BDP1: variants seen among roughly 807,000 people sequenced by gnomAD.
BDP1 encodes the protein transcription factor TFIIIB component B'' homolog.
Under a neutral mutation model 266.6 loss-of-function variants are expected in BDP1, and 169 were observed. The ratio of observed to expected loss-of-function variants is 0.63; its 90% CI spans 0.56 to 0.72. The LOEUF (loss-of-function observed/expected upper bound fraction) is 0.72. Ranked by LOEUF, BDP1 falls within the 30% of genes least tolerant of loss-of-function variation. BDP1 has a pLI of 0.00. For synonymous variants in BDP1, 1,090 were observed against 1,022.4 expected (o/e 1.07, Z -1.26); for missense variants, 3,015 against 3,053.8 (o/e 0.99, Z 0.30).
chr5:71,463,122 A>G (rs1384071021), intron 3 of BDP1, among the ~76,000 whole-genome samples: 1 of 152,148 alleles, frequency 6.6e-6, no homozygotes, highest in Non-Finnish European at 1.5e-5. Context: ...TTTAAAAAAA[A>G]AATGTTTGAA....
At chr5:71,521,423 G>T (rs1357969558) in intron 22 of BDP1, among the ~76,000 whole-genome samples, 1 of 150,842 alleles carries the variant, frequency 6.6e-6, no homozygotes, top group Non-Finnish European at 1.5e-5. Flanking sequence ...CTCCCGAGTA[G>T]CTGGGACTTC....
At chr5:71,546,425 C>T (rs148128621) in intron 32 of BDP1, among the ~76,000 whole-genome samples, 15 of 151,840 alleles carry the variant, frequency 9.9e-5, no homozygotes, top group Admixed American at 2.0e-4. Context: ...TCAAGAACAG[C>T]CTGGCAAACA....
chr5:71,545,734 C>T (rs996062657), intron 32 of BDP1, among the ~76,000 whole-genome samples: 2 of 151,986 alleles, frequency 1.3e-5, no homozygotes, highest in Admixed American at 1.3e-4. Context: ...GTGAGAGAAG[C>T]CTTGGACTTG....
chr5:71,551,724 C>T (rs1219777805), intron 34 of BDP1, among the ~76,000 whole-genome samples: 7 of 149,946 alleles, frequency 4.7e-5, no homozygotes, highest in Middle Eastern at 3.3e-3. Flanking sequence ...CAGGGGCGGC[C>T]GGGCAGAGGT....
At chr5:71,492,663 C>A (rs1401601518) in intron 11 of BDP1, among the ~76,000 whole-genome samples, 1 of 152,136 alleles carries the variant, frequency 6.6e-6, no homozygotes, top group Non-Finnish European at 1.5e-5. Flanking sequence ...ATATGATTTA[C>A]ACATTTTCTC....
chr5:71,518,967 C>G (rs1451845684), intron 22 of BDP1, among the ~76,000 whole-genome samples: 1 of 150,766 alleles, frequency 6.6e-6, no homozygotes, highest in Admixed American at 6.6e-5. Flanking sequence ...TTGCAGGCAC[C>G]CACCACCACA....
downstream of BDP1, among the ~76,000 whole-genome samples, chr5:71,568,201 G>T (rs569446175): frequency 2.0e-5 from 3 of 152,226 alleles, no homozygotes; most frequent in African/African-American, 7.2e-5. Flanking sequence ...AAAGCTGTAG[G>T]AGTCTGCAAT....
intron 22 of BDP1, among the ~76,000 whole-genome samples, chr5:71,517,749 T>G (rs989354543): frequency 1.3e-5 from 2 of 152,076 alleles, no homozygotes; most frequent in African/African-American, 4.8e-5. Context: ...AGACAAAGAT[T>G]CTTAAGTTCT....
At position 71,510,121 on chromosome 5, in the gene BDP1, C is replaced by A. The variant is rs766248392; in HGVS notation, c.3029C>A (p.Thr1010Lys). The change falls in exon 17 of 39, where the codon ACA becomes AAA. Residue 1010 changes from threonine to lysine, a missense_variant. Thr to Lys is a moderately conservative substitution (Grantham distance 78). Around this residue, in one of 3 missense-constraint regions of BDP1, gnomAD observed 2,383 missense variants for 2,404.9 expected, o/e 0.99. Transcript: ENST00000358731. ...GTCAAGCCTGTAGATGAAATGGAGACAGATTTGAACGCAACTGGAAGAGAG... is the reference window on the plus strand; with the variant it reads ...GTCAAGCCTGTAGATGAAATGGAGAAAGATTTGAACGCAACTGGAAGAGAG... ...EEVKPVDEME[T>K]DLNATGRESS... 4.3e-6 allele frequency: 7 copies of A among 1,613,582 alleles called. No individual in the cohort carries two copies. The highest frequency in any genetic ancestry group is 3.3e-5 in the Admixed American group (2 of 59,950).
chr5:71,503,027 C>T (rs755642037), intron 15 of BDP1, among the ~76,000 whole-genome samples: 13 of 146,498 alleles, frequency 8.9e-5, no homozygotes, highest in East Asian at 4.0e-4. Flanking sequence ...ATCGTGCCAC[C>T]GCACTCCAGC....
rs553201038 is a variant in BDP1, at chr5:71,509,102, G to A, written c.2373-363G>A. On this transcript the variant is annotated intron_variant, in intron 16 of 38. Coordinates refer to ENST00000358731, the MANE Select transcript of BDP1 (RefSeq NM_018429.3). ...CTGTATAAAAGATAGAAGGGATGAA[G>A]AGGTAGAAATAGCAGACATACATCA... is the stretch of plus-strand genomic sequence containing the variant. Among the ~76,000 whole-genome samples, 9 of 152,234 alleles carry A rather than the reference G, an allele frequency of 5.9e-5. No homozygotes were observed. The South Asian group carries it at 1.0e-3, about 18-fold the overall frequency.
intron 6 of BDP1, among the ~76,000 whole-genome samples, chr5:71,470,123 G>A (rs530283754): frequency 4.0e-4 from 61 of 152,158 alleles, no homozygotes; most frequent in African/African-American, 1.4e-3. Context: ...TTACAGGCGT[G>A]AACCACCGCG....
chr5:71,512,505 A>G, intron 18 of BDP1, 77 bp downstream of exon 18: 1 of 996,056 alleles, frequency 1.0e-6, no homozygotes, highest in Non-Finnish European at 1.5e-6. Flanking sequence ...GTTTCAAGAT[A>G]TAACATATAC....
chr5:71,491,229 T>G, intron 11 of BDP1, 98 bp downstream of exon 11: 1 of 1,132,850 alleles, frequency 8.8e-7, no homozygotes, highest in South Asian at 1.6e-5. Context: ...GCCTGTTTCT[T>G]TTTTTCAGTT....
rs1343554761 is a variant in BDP1, at chr5:71,567,060, G to C, written c.*2175G>C. 1 of 152,130 alleles carries C rather than the reference G, an allele frequency of 6.6e-6. No individual in the cohort carries two copies. Among genetic ancestry groups the C allele is most frequent in the African/African-American group, 2.4e-5 (1 of 41,434 alleles). The allele number at this position is 152,130 out of a possible 1,614,324, so 9.4% of individuals were successfully genotyped here. A position where few individuals can be genotyped will look rare whatever the true frequency, so the allele number is the denominator to read the frequency against. ...GGCTATATAATTCGGAGCGGAAATT[G>C]TCTATAAGTAGGCATTTATTTCATG... On this transcript the variant is annotated 3_prime_UTR_variant, in exon 39 of 39. Transcript: ENST00000358731.
rs1468063585 is a variant in BDP1, at chr5:71,567,198, T to A, written c.*2313T>A. 1 of 152,216 alleles carries A rather than the reference T, an allele frequency of 6.6e-6. No individual in the cohort carries two copies. The highest frequency in any genetic ancestry group is 1.9e-4 in the East Asian group (1 of 5,206). The allele number at this position is 152,216 out of a possible 1,614,324, so 9.4% of individuals were successfully genotyped here. On this transcript the variant is annotated 3_prime_UTR_variant, in exon 39 of 39. Transcript: ENST00000358731. The stretch of plus-strand genomic sequence containing the variant: ...AAGATTTCATTCTCTTAGTGTTAGC[T>A]TGGGAGTTAGATTGCCATGATTAAA...
At chr5:71,491,267 A>C in intron 11 of BDP1, 136 bp downstream of exon 11, 1 of 778,496 alleles carries the variant, frequency 1.3e-6, no homozygotes, top group South Asian at 2.2e-5. Context: ...ATATATTTTG[A>C]AGCTCTGTTG....
intron 26 of BDP1, 27 bp downstream of exon 26, chr5:71,532,454 G>C (rs781235366): frequency 5.0e-6 from 8 of 1,605,118 alleles, no homozygotes; most frequent in Non-Finnish European, 6.8e-6. Context: ...ATATGTTTTG[G>C]CCTTTTATTC....
At chr5:71,503,360 TAGCC>T (rs1311709248) in intron 15 of BDP1, among the ~76,000 whole-genome samples, 2 of 152,190 alleles carry the variant, frequency 1.3e-5, no homozygotes, top group Admixed American at 1.3e-4. Flanking sequence ...CAAAATCTCA[TAGCC>T]AGCAGCTTTG....
Sources: gnomAD v4.1 joint callset for allele counts (sites outside exome capture counted in the v4.1 genomes callset) on GRCh38, gnomAD v4.1.1 for gene constraint, gnomAD v4.1.1 regional missense constraint, MANE v1.5 for transcripts, NCBI Gene and HGNC (gene_info 2026-07-23, HGNC 2026-07-21) for gene names.